CSRNP3: variants seen among roughly 807,000 people sequenced by gnomAD.
CSRNP3 encodes cysteine and serine rich nuclear protein 3, also known as cysteine/serine-rich nuclear protein 3.
CSRNP3 carries 12 observed loss-of-function variants against 48.0 expected under a neutral mutation model. The ratio of observed to expected loss-of-function variants is 0.25; its 90% CI spans 0.16 to 0.41. The LOEUF is 0.41. Ranked by LOEUF, CSRNP3 falls within the 10% of genes least tolerant of loss-of-function variation. The probability of loss-of-function intolerance (pLI) is 1.00; values close to 1 mark genes in which losing one functional copy is unlikely to be tolerated. For missense variants in CSRNP3, 580 were observed against 724.4 expected (o/e 0.80, Z 2.29); for synonymous variants, 263 against 269.7 (o/e 0.98, Z 0.24).
At chr2:165,607,360 A>G (rs1686048759) in intron 4 of CSRNP3, among the ~76,000 whole-genome samples, 1 of 152,178 alleles carries the variant, frequency 6.6e-6, no homozygotes, top group Admixed American at 6.5e-5. Context: ...TAACAAATCC[A>G]TTCAGAGCAT....
chr2:165,519,676 G>A (rs992246531), intron 3 of CSRNP3, among the ~76,000 whole-genome samples: 1 of 152,096 alleles, frequency 6.6e-6, no homozygotes, highest in Non-Finnish European at 1.5e-5. Context: ...TGCCTACTAT[G>A]TGCATGGGGG....
intron 4 of CSRNP3, among the ~76,000 whole-genome samples, chr2:165,599,880 G>A (rs1468132303): frequency 6.6e-6 from 1 of 150,860 alleles, no homozygotes; most frequent in African/African-American, 2.4e-5. Context: ...GATTTTTGAA[G>A]ACTATCAAAT....
chr2:165,527,855 A>G (rs1380148258), intron 3 of CSRNP3, among the ~76,000 whole-genome samples: 2 of 152,044 alleles, frequency 1.3e-5, no homozygotes, highest in African/African-American at 2.4e-5. Flanking sequence ...GAGAAGATCA[A>G]CAAGACCCCA....
chr2:165,490,033 G>C (rs564792084), intron 1 of CSRNP3, among the ~76,000 whole-genome samples: 3,666 of 152,014 alleles, frequency 0.024, 121 homozygotes, highest in African/African-American at 0.08. Context: ...TGACATGATT[G>C]TTTATCTAGA....
At position 165,683,631 on chromosome 2, in the gene CSRNP3, T is replaced by C. The variant is rs191034050; in HGVS notation, c.*3878T>C. 2.3e-3 allele frequency: 345 copies of C among 152,208 alleles called. 2 individuals are homozygous for C. The highest frequency in any genetic ancestry group is 7.5e-3 in the African/African-American group (312 of 41,558). The allele number at this position is 152,208 out of a possible 1,614,324, so 9.4% of individuals were successfully genotyped here. On this transcript the variant is annotated 3_prime_UTR_variant, in exon 7 of 7. Transcript: ENST00000651982. Reference sequence around the variant, plus strand: ...GTCTTTATATTCAAAATTTATTAAGTATCAATTCTTTCTTTCAACAAATAT... The same window carrying C: ...GTCTTTATATTCAAAATTTATTAAGCATCAATTCTTTCTTTCAACAAATAT...
At chr2:165,672,182 C>T (rs532286431) in intron 5 of CSRNP3, among the ~76,000 whole-genome samples, 2 of 152,304 alleles carry the variant, frequency 1.3e-5, no homozygotes, top group African/African-American at 2.4e-5. Context: ...CTGTTCCAAC[C>T]TCTGCCTATT....
intron 5 of CSRNP3, among the ~76,000 whole-genome samples, chr2:165,660,052 T>G (rs890983489): frequency 6.6e-6 from 1 of 152,228 alleles, no homozygotes; most frequent in Non-Finnish European, 1.5e-5. Context: ...GTTGTTGTTT[T>G]TTATGCTTGC....
intron 3 of CSRNP3, among the ~76,000 whole-genome samples, chr2:165,554,093 C>T (rs554651996): frequency 6.6e-6 from 1 of 152,290 alleles, no homozygotes; most frequent in Non-Finnish European, 1.5e-5. Flanking sequence ...CTTGACCCAT[C>T]AGTAGTTGTA....
At chr2:165,610,776 A>G (rs1447577830) in intron 4 of CSRNP3, among the ~76,000 whole-genome samples, 1 of 152,208 alleles carries the variant, frequency 6.6e-6, no homozygotes, top group African/African-American at 2.4e-5. Context: ...TGACCGCATC[A>G]GGCTTTAAAA....
chr2:165,660,988 A>G (rs888371891), intron 5 of CSRNP3, among the ~76,000 whole-genome samples: 1 of 152,224 alleles, frequency 6.6e-6, no homozygotes, highest in African/African-American at 2.4e-5. Context: ...TCACAGCAAT[A>G]TGAACCAGCT....
chr2:165,630,556 A>G (rs1411939702), intron 4 of CSRNP3, among the ~76,000 whole-genome samples: 1 of 152,224 alleles, frequency 6.6e-6, no homozygotes, highest in Admixed American at 6.5e-5. Context: ...TCAGCTGGAC[A>G]GCAACAACTC....
At chr2:165,610,961 C>G (rs1433942745) in intron 4 of CSRNP3, among the ~76,000 whole-genome samples, 1 of 152,066 alleles carries the variant, frequency 6.6e-6, no homozygotes, top group Non-Finnish European at 1.5e-5. Flanking sequence ...TAGGCACTAT[C>G]AGAACATCAA....
intron 3 of CSRNP3, among the ~76,000 whole-genome samples, chr2:165,579,262 G>A (rs1574846064): frequency 6.6e-6 from 1 of 152,122 alleles, no homozygotes; most frequent in East Asian, 1.9e-4. Context: ...AATTTGAATG[G>A]GACAAGTAGA....
intron 3 of CSRNP3, among the ~76,000 whole-genome samples, chr2:165,533,788 A>G (rs992757207): frequency 3.3e-5 from 5 of 151,896 alleles, no homozygotes; most frequent in African/African-American, 1.2e-4. Context: ...TTATTTTCTT[A>G]TTTTTCTCTA....
intron 1 of CSRNP3, among the ~76,000 whole-genome samples, chr2:165,482,457 G>A (rs1039775138): frequency 6.6e-6 from 1 of 151,964 alleles, no homozygotes; most frequent in Non-Finnish European, 1.5e-5. Flanking sequence ...TAGAGACCAG[G>A]TTTCACCATG....
chr2:165,495,778 G>A (rs779551721), intron 2 of CSRNP3, among the ~76,000 whole-genome samples: 1 of 151,980 alleles, frequency 6.6e-6, no homozygotes, highest in Non-Finnish European at 1.5e-5. Context: ...TATTCCACGA[G>A]TAAAGGTAAA....
chr2:165,528,241 A>T (rs1056458285), intron 3 of CSRNP3, among the ~76,000 whole-genome samples: 1 of 152,084 alleles, frequency 6.6e-6, no homozygotes, highest in Non-Finnish European at 1.5e-5. Flanking sequence ...AGATGTTTTG[A>T]TTGCAAATAT....
intron 3 of CSRNP3, among the ~76,000 whole-genome samples, chr2:165,538,731 C>A (rs1464325309): frequency 6.6e-6 from 1 of 151,844 alleles, no homozygotes; most frequent in Non-Finnish European, 1.5e-5. Context: ...CCTCCTCCCC[C>A]TCTTAATTAA....
At chr2:165,574,529 C>T (rs1685419023) in intron 3 of CSRNP3, 1 of 743,450 alleles carries the variant, frequency 1.3e-6, no homozygotes, top group South Asian at 2.2e-5. Context: ...GCAGGGTGTT[C>T]CTGGTTTTCA....
Sources: allele counts gnomAD v4.1 joint callset (sites outside exome capture counted in the v4.1 genomes callset), GRCh38; gene constraint gnomAD v4.1.1; transcripts MANE v1.5; gene names NCBI Gene and HGNC (gene_info 2026-07-23, HGNC 2026-07-21).